The following CNTN1 variants were observed in gnomAD, a reference collection of about 807,000 sequenced individuals.
CNTN1 encodes the protein contactin-1.
In CNTN1, 38 loss-of-function variants were observed where a neutral mutation model predicts 126.4. The observed-to-expected ratio is 0.30, with a 90% CI of 0.23 to 0.39. The LOEUF is 0.39. Ranked by LOEUF, CNTN1 falls within the 10% of genes least tolerant of loss-of-function variation. CNTN1 has a pLI of 1.00. For synonymous variants in CNTN1, 413 were observed against 422.6 expected, an observed-to-expected ratio of 0.98 and a Z score of 0.28; for missense variants, 1,009 against 1,248.4, an observed-to-expected ratio of 0.81 and a Z score of 2.89.
intron 1 of CNTN1, chr12:40,763,246 T>G (rs1396334311): frequency 1.3e-5 from 2 of 152,238 alleles, no homozygotes; most frequent in Non-Finnish European, 2.9e-5. Context: ...AGACTGTTTA[T>G]AAATTACCCA....
intron 23 of CNTN1, among the ~76,000 whole-genome samples, chr12:41,067,193 T>C (rs1340931638): frequency 6.6e-6 from 1 of 152,198 alleles, no homozygotes; most frequent in Non-Finnish European, 1.5e-5. Context: ...TTACATAAGC[T>C]TGAGCCATTA....
chr12:40,905,026 A>G (rs1944759244), intron 1 of CNTN1, among the ~76,000 whole-genome samples: 2 of 152,234 alleles, frequency 1.3e-5, no homozygotes, highest in Admixed American at 6.5e-5. Flanking sequence ...GGTGAAGACA[A>G]TTAGGTTCAG....
Position 41,070,053 on chromosome 12 carries a change from C to G in CNTN1, c.*18C>G. 6.2e-7 allele frequency: 1 copy of G among 1,609,636 alleles called. No individual in the cohort carries two copies. The highest frequency in any genetic ancestry group is 2.2e-5 in the East Asian group (1 of 44,850). On this transcript the variant is annotated 3_prime_UTR_variant, in exon 24 of 24. Coordinates refer to ENST00000551295, the MANE Select transcript of CNTN1 (RefSeq NM_001843.4). ...AATTCTGAATGTGTTGTGACAGCTG[C>G]TGTTCCCATCCCAGCTCAGAAGACA...
chr12:40,804,340 T>C (rs1434659512), intron 1 of CNTN1, among the ~76,000 whole-genome samples: 4 of 152,054 alleles, frequency 2.6e-5, no homozygotes, highest in Non-Finnish European at 5.9e-5. Context: ...ACAAGCCACC[T>C]GCCATTTTAC....
At chr12:40,946,849 C>A (rs1421960950) in intron 14 of CNTN1, among the ~76,000 whole-genome samples, 1 of 151,904 alleles carries the variant, frequency 6.6e-6, no homozygotes, top group Non-Finnish European at 1.5e-5. Context: ...AATTTCACAG[C>A]CCGGTGTAAT....
intron 15 of CNTN1, chr12:40,971,763 G>C: frequency 1.6e-6 from 2 of 1,230,436 alleles, no homozygotes; most frequent in Non-Finnish European, 2.0e-6. Flanking sequence ...ATGGCCAAGT[G>C]AAAGTTTTGT....
chr12:40,722,105 C>T (rs1651990154), intron 1 of CNTN1, among the ~76,000 whole-genome samples: 1 of 152,106 alleles, frequency 6.6e-6, no homozygotes, highest in South Asian at 2.1e-4. Context: ...TAACAAACAC[C>T]TTGTAGGGGA....
chr12:40,698,487 C>T (rs539641182), intron 1 of CNTN1, among the ~76,000 whole-genome samples: 31 of 152,110 alleles, frequency 2.0e-4, no homozygotes, highest in African/African-American at 6.5e-4. Flanking sequence ...CCGCCCGCCT[C>T]GGCCTCCCAA....
intron 1 of CNTN1, chr12:40,729,492 A>T (rs1448318388): frequency 4.9e-6 from 1 of 202,908 alleles, no homozygotes; most frequent in East Asian, 1.2e-4. Context: ...GATGCACGGA[A>T]ATTTGTTCAG....
intron 3 of CNTN1, among the ~76,000 whole-genome samples, chr12:40,916,357 T>A (rs1442181): frequency 0.065 from 9,817 of 152,144 alleles, 530 homozygotes; most frequent in Admixed American, 0.16. Context: ...TGGGAGAGAC[T>A]CAAGGAATAG....
At chr12:40,926,162 G>A (rs1411526613) in intron 6 of CNTN1, among the ~76,000 whole-genome samples, 2 of 103,068 alleles carry the variant, frequency 1.9e-5, no homozygotes, top group Admixed American at 2.0e-4. Context: ...GTTAGATATT[G>A]CTAAATAAGG....
rs1410705120 is a variant in CNTN1, at chr12:41,071,367, TA to T, written c.*1335del. ...TGTGGATGTAAAAGAAATCGAGTAA[TA>T]AAGAATTAGCTGGCTTGTGAAATAG... On this transcript the variant is annotated 3_prime_UTR_variant, in exon 24 of 24. Transcript: ENST00000551295. 1 of 152,172 alleles carries T rather than the reference TA, an allele frequency of 6.6e-6. No individual in the cohort carries two copies. The highest frequency in any genetic ancestry group is 2.4e-5 in the African/African-American group (1 of 41,450). 9.4% of individuals were successfully genotyped at this position (152,172 alleles called of 1,614,324 possible). A position where few individuals can be genotyped will look rare whatever the true frequency, so the allele number is the denominator to read the frequency against.
chr12:40,921,067 T>A (rs1270605295), intron 4 of CNTN1, among the ~76,000 whole-genome samples: 1 of 152,184 alleles, frequency 6.6e-6, no homozygotes, highest in African/African-American at 2.4e-5. Context: ...AATATTGCCA[T>A]CACCTGGGGG....
At chr12:40,975,178 T>TTATATATATATATATATA (rs58939653) in intron 15 of CNTN1, among the ~76,000 whole-genome samples, 1 of 48,670 alleles carries the variant, frequency 2.1e-5, no homozygotes, top group Non-Finnish European at 4.5e-5. Flanking sequence ...GTAAAATGGA[T>TTATATATATATATATATA]TATATATATA....
intron 1 of CNTN1, among the ~76,000 whole-genome samples, chr12:40,701,297 G>A (rs1941589116): frequency 6.6e-6 from 1 of 152,302 alleles, no homozygotes; most frequent in South Asian, 2.1e-4. Flanking sequence ...ATTACAATGT[G>A]TCATTTAAAT....
intron 1 of CNTN1, among the ~76,000 whole-genome samples, chr12:40,836,357 C>A (rs1167469461): frequency 6.6e-6 from 1 of 150,600 alleles, no homozygotes; most frequent in East Asian, 1.9e-4. Context: ...ATATTATATT[C>A]ATGTAATATA....
At chr12:40,916,971 A>G (rs183286457) in intron 3 of CNTN1, among the ~76,000 whole-genome samples, 3 of 148,502 alleles carry the variant, frequency 2.0e-5, no homozygotes, top group African/African-American at 7.4e-5. Flanking sequence ...GTTTCAGCAA[A>G]TTTCAACCAA....
chr12:41,007,566 G>T (rs879656078), intron 17 of CNTN1, among the ~76,000 whole-genome samples: 2 of 152,136 alleles, frequency 1.3e-5, no homozygotes, highest in Non-Finnish European at 2.9e-5. Flanking sequence ...AGAGAGAGGG[G>T]TCCCTCAGTG....
intron 23 of CNTN1, among the ~76,000 whole-genome samples, chr12:41,048,048 C>G (rs1949584817): frequency 6.6e-6 from 1 of 152,106 alleles, no homozygotes; most frequent in Non-Finnish European, 1.5e-5. Context: ...CTTGCATAGA[C>G]CACCCATTCC....
Sources: allele counts gnomAD v4.1 joint callset (sites outside exome capture counted in the v4.1 genomes callset), GRCh38; gene constraint gnomAD v4.1.1; transcripts MANE v1.5; gene names NCBI Gene and HGNC (gene_info 2026-07-23, HGNC 2026-07-21).